The following ITGA3 variants were observed in gnomAD, a reference collection of about 807,000 sequenced individuals.
The protein encoded by ITGA3 is integrin subunit alpha 3, also known as integrin alpha-3.
A neutral mutation model predicts 131.1 loss-of-function variants in ITGA3; 70 were observed. The ratio of observed to expected loss-of-function variants is 0.53; its 90% CI spans 0.44 to 0.65. The LOEUF is 0.65. Ranked by LOEUF, ITGA3 falls within the 30% of genes least tolerant of loss-of-function variation. The pLI, the probability that ITGA3 is intolerant of heterozygous loss-of-function variation, is 0.00. For synonymous variants in ITGA3, 537 were observed against 571.6 expected (o/e 0.94, Z 0.86); for missense variants, 1,098 against 1,388.6 (o/e 0.79, Z 3.33).
In ITGA3 at chr17:50,076,577, C is replaced by A. The variant is rs749582711; in HGVS notation, c.1825-7C>A. ...GTGCGGCCTTCACACCTCCGGCCACCCCCCAGGTCCAGTTCCAGAAGGAGT... is the reference window on the plus strand; with the variant it reads ...GTGCGGCCTTCACACCTCCGGCCACACCCCAGGTCCAGTTCCAGAAGGAGT... On this transcript the variant is annotated splice_polypyrimidine_tract_variant and splice_region_variant and intron_variant, in intron 13 of 25. Transcript: ENST00000320031. The A allele has an allele frequency of 3.1e-6, 5 of 1,612,668 alleles. No homozygotes were observed. The South Asian group carries it at 5.5e-5, about 18-fold the overall frequency.
chr17:50,076,960 G>T lies in ITGA3; in HGVS notation c.1923-14G>T. The T allele has an allele frequency of 6.3e-7, 1 of 1,598,928 alleles. No homozygotes were observed. The highest frequency in any genetic ancestry group is 1.1e-5 in the South Asian group (1 of 89,626). The stretch of plus-strand genomic sequence containing the variant: ...GGCGGGGCTCTTGGCTGAGTCCTGG[G>T]CTCCTGCTCTCAGGCTCCAGTACAG... On this transcript the variant is annotated splice_polypyrimidine_tract_variant and intron_variant, in intron 14 of 25. Coordinates refer to ENST00000320031, the MANE Select transcript of ITGA3 (RefSeq NM_002204.4).
At chr17:50,068,817 TA>T (rs1908460014) in intron 4 of ITGA3, among the ~76,000 whole-genome samples, 3 of 93,172 alleles carry the variant, frequency 3.2e-5, no homozygotes, top group South Asian at 3.5e-4. Context: ...CAGTCTTTTT[TA>T]TTTATTTATT....
At position 50,074,151 on chromosome 17, in the gene ITGA3, A is replaced by G. The variant is rs772836425; in HGVS notation, c.1253A>G (p.His418Arg). 6.2e-7 allele frequency: 1 copy of G among 1,613,134 alleles called. No individual in the cohort carries two copies. Among genetic ancestry groups the G allele is most frequent in the Non-Finnish European group, 8.5e-7 (1 of 1,179,490 alleles). The change falls in exon 9 of 26, where the codon CAT becomes CGT. Residue 418 changes from histidine to arginine, a missense_variant. Coordinates refer to ENST00000320031, the MANE Select transcript of ITGA3 (RefSeq NM_002204.4). ...GLLRQPQQVI[H>R]GEKLGLPGLA... ...ACTTTCCCCTGCCCCCAGGTAATCC[A>G]TGGAGAGAAGCTGGGACTGCCTGGG...
Position 50,068,283 on chromosome 17 carries a change from C to T in ITGA3, c.642C>T (p.Ala214=). The change falls in exon 4 of 26, where the codon GCC becomes GCT. Residue 214 remains alanine, a synonymous_variant. Transcript: ENST00000320031. ...GFTQNTVYFG[A]PGAYNWKGNS... is the part of the protein sequence containing the mutation. ...CCCAGAACACTGTGTACTTCGGCGC[C>T]CCCGGTGCCTACAACTGGAAAGGTG... 1.2e-6 allele frequency: 2 copies of T among 1,613,514 alleles called. No individual in the cohort carries two copies. Among genetic ancestry groups the T allele is most frequent in the Non-Finnish European group, 1.7e-6 (2 of 1,180,006 alleles).
At position 50,089,573 on chromosome 17, in the gene ITGA3, C is replaced by G. The variant is rs1291653033; in HGVS notation, c.*495C>G. The G allele has an allele frequency of 3.1e-6, 1 of 323,660 alleles. No homozygotes were observed. The highest frequency in any genetic ancestry group is 2.1e-5 in the African/African-American group (1 of 48,420). The allele number at this position is 323,660 out of a possible 1,614,324, so 20.0% of individuals were successfully genotyped here. A position where few individuals can be genotyped will look rare whatever the true frequency, so the allele number is the denominator to read the frequency against. The stretch of plus-strand genomic sequence containing the variant: ...GTGCATGGGCTCGCCGTGTCTCAGC[C>G]TCTGCCAGCGCCAAAACAAGCCAAA... On this transcript the variant is annotated 3_prime_UTR_variant, in exon 26 of 26. Coordinates refer to ENST00000320031, the MANE Select transcript of ITGA3 (RefSeq NM_002204.4).
At chr17:50,083,898 A>G (rs891441490) in intron 23 of ITGA3, among the ~76,000 whole-genome samples, 1 of 151,958 alleles carries the variant, frequency 6.6e-6, no homozygotes, top group Non-Finnish European at 1.5e-5. Context: ...AATATAAATC[A>G]TAGCAACAAG....
intron 25 of ITGA3, 125 bp from the exon 26 acceptor site, chr17:50,088,985 A>G (rs1334035548): frequency 4.2e-6 from 3 of 717,940 alleles, no homozygotes; most frequent in Non-Finnish European, 7.4e-6. Flanking sequence ...GAGAGATGGG[A>G]TGCGTTTCGG....
intron 1 of ITGA3, among the ~76,000 whole-genome samples, chr17:50,060,218 A>G (rs1908013764): frequency 6.6e-6 from 1 of 152,164 alleles, no homozygotes; most frequent in Non-Finnish European, 1.5e-5. Flanking sequence ...CCAAGGAGTG[A>G]GGCCCTGCCA....
intron 19 of ITGA3, 24 bp downstream of exon 19, chr17:50,078,950 GGC>G: frequency 6.5e-7 from 1 of 1,539,454 alleles, no homozygotes; most frequent in Non-Finnish European, 9.0e-7. Context: ...CAGAGTCCTG[GGC>G]TGGGGACTTC....
chr17:50,057,940 C>T (rs2144251172), intron 1 of ITGA3, among the ~76,000 whole-genome samples: 1 of 152,328 alleles, frequency 6.6e-6, no homozygotes, highest in Admixed American at 6.5e-5. Flanking sequence ...CCAGCCTGGC[C>T]CCAGCAGCTG....
intron 1 of ITGA3, among the ~76,000 whole-genome samples, chr17:50,060,682 C>G (rs374128360): frequency 3.3e-5 from 5 of 152,170 alleles, no homozygotes; most frequent in African/African-American, 7.2e-5. Context: ...CTGCTCCCCC[C>G]AGTCCAGCCT....
chr17:50,056,337 G>A lies in ITGA3; in HGVS notation c.-103G>A. The stretch of plus-strand genomic sequence containing the variant: ...CGCTACGGAGCGCAGCGGCCGGCGG[G>A]TTCCAGTGTCCTCCGGCGGCGCGGG... On this transcript the variant is annotated 5_prime_UTR_variant, in exon 1 of 26. Coordinates refer to ENST00000320031, the MANE Select transcript of ITGA3 (RefSeq NM_002204.4). The surrounding 1 kb of genome is among the most constrained non-coding windows in gnomAD (Gnocchi z 5.6). The A allele has an allele frequency of 5.0e-6, 4 of 793,408 alleles. No homozygotes were observed. The highest frequency in any genetic ancestry group is 7.4e-6 in the Non-Finnish European group (4 of 543,246). The allele number at this position is 793,408 out of a possible 1,614,324, so 49.1% of individuals were successfully genotyped here.
rs763203601 is a variant in ITGA3, at chr17:50,071,420, G to C, written c.861G>C (p.Glu287Asp). 1.2e-6 allele frequency: 2 copies of C among 1,614,180 alleles called. No homozygotes were observed. The highest frequency in any genetic ancestry group is 3.3e-5 in the Admixed American group (2 of 60,036). The change falls in exon 6 of 26, where the codon GAG (glutamate) becomes GAC (aspartate). Residue 287 changes from glutamate to aspartate, a missense_variant. This residue lies in a region of ITGA3 where 356 missense variants were observed against 529.2 expected (regional missense o/e 0.67). Coordinates refer to ENST00000320031, the MANE Select transcript of ITGA3 (RefSeq NM_002204.4). Reference protein sequence around the residue: ...HMGAVFLLSQEAGGDLRRRQV... With the variant: ...HMGAVFLLSQDAGGDLRRRQV... ...GCGCGGTGTTCTTGCTGAGCCAGGA[G>C]GCAGGCGGAGACCTGCGGAGGAGGC...
In ITGA3 at chr17:50,067,505, G is replaced by T. The variant is rs76193175; in HGVS notation, c.415-551G>T. ...TTATGCAGGTTACTGAGCTCTCCATGCCTCAGTTTATCTAAAATGGGGGAA... is the reference window on the plus strand; with the variant it reads ...TTATGCAGGTTACTGAGCTCTCCATTCCTCAGTTTATCTAAAATGGGGGAA... On this transcript the variant is annotated intron_variant, in intron 3 of 25. Transcript: ENST00000320031. Among the ~76,000 whole-genome samples, 1,311 of 152,272 alleles carry T rather than the reference G, an allele frequency of 8.6e-3. 8 individuals are homozygous for T. The highest frequency in any genetic ancestry group is 0.013 in the Non-Finnish European group (917 of 68,024).
At chr17:50,063,737 G>A in intron 1 of ITGA3, 1 of 304,290 alleles carries the variant, frequency 3.3e-6, no homozygotes, top group Non-Finnish European at 6.2e-6. Flanking sequence ...CCCTGCACAT[G>A]TGTGCCTTTG....
intron 7 of ITGA3, among the ~76,000 whole-genome samples, chr17:50,072,925 G>A (rs1255724401): frequency 2.0e-5 from 3 of 152,072 alleles, no homozygotes; most frequent in Non-Finnish European, 4.4e-5. Context: ...GGGGGCACCT[G>A]GCTTATCTGA....
rs1908588256 is a variant in ITGA3 at position 50,070,788 on chromosome 17, C to G, written c.665-56C>G. 6.6e-6 allele frequency: 8 copies of G among 1,212,516 alleles called. No individual in the cohort carries two copies. In the South Asian group the frequency reaches 9.7e-5, roughly 15 times the overall value. 75.1% of individuals were successfully genotyped at this position (1,212,516 alleles called of 1,614,324 possible). A position where few individuals can be genotyped will look rare whatever the true frequency, so the allele number is the denominator to read the frequency against. ...GGTGGGCTGGACATGGTAGAGGAAA[C>G]CAGAAACCGGTGGTGACTTATACTC... On this transcript the variant is annotated intron_variant, in intron 4 of 25. Transcript: ENST00000320031.
rs369360994 is a variant in ITGA3 at position 50,068,811 on chromosome 17, C to CTTTT, written c.664+509_664+512dup. ...GCCACCATGCCCAGCCTCAATCAGTCTTTTTTATTTATTTATTTATTTATT... is the reference window on the plus strand; with the variant it reads ...GCCACCATGCCCAGCCTCAATCAGTCTTTTTTTTTTATTTATTTATTTATTTATT... On this transcript the variant is annotated intron_variant, in intron 4 of 25. Coordinates refer to ENST00000320031, the MANE Select transcript of ITGA3 (RefSeq NM_002204.4). 1.2e-4 allele frequency among the ~76,000 whole-genome samples: 17 copies of CTTTT among 136,162 alleles called. No homozygotes were observed. The East Asian group carries it at 1.3e-3, about 10-fold the overall frequency. 89.3% of individuals were successfully genotyped at this position (136,162 alleles called of 152,430 possible). A position where few individuals can be genotyped will look rare whatever the true frequency, so the allele number is the denominator to read the frequency against.
rs1474067325 is a variant in ITGA3, at chr17:50,077,044, C to T, written c.1993C>T (p.Arg665Cys). 2 of 1,608,640 alleles carry T rather than the reference C, an allele frequency of 1.2e-6. No homozygotes were observed. Among genetic ancestry groups the T allele is most frequent in the Admixed American group, 1.7e-5 (1 of 59,674 alleles). ...CGTGACGAACACCCGGACCTCGGAG[C>T]GCTCCGGGGAGGACGCCCACGAGGC... ...INVTNTRTSE[R>C]SGEDAHEALL... Residue 665 changes from arginine (R) to cysteine (C), a missense_variant, in exon 15 of 26, where the codon CGC (arginine) becomes TGC (cysteine). This residue lies in a region of ITGA3 where 699 missense variants were observed against 829.2 expected (regional missense o/e 0.84). Coordinates refer to ENST00000320031, the MANE Select transcript of ITGA3 (RefSeq NM_002204.4).
Sources: allele counts gnomAD v4.1 joint callset (sites outside exome capture counted in the v4.1 genomes callset), GRCh38; gene constraint gnomAD v4.1.1; regional missense constraint gnomAD v4.1.1; non-coding constraint Gnocchi (gnomAD v3.1); transcripts MANE v1.5; gene names NCBI Gene and HGNC (gene_info 2026-07-23, HGNC 2026-07-21).